The following EEF1AKMT1 variants were observed in gnomAD, a reference collection of about 807,000 sequenced individuals.
EEF1AKMT1 encodes the protein EEF1A lysine methyltransferase 1.
Under a neutral mutation model 21.0 loss-of-function variants are expected in EEF1AKMT1, and 18 were observed. That is an observed-to-expected ratio of 0.86 (90% CI 0.59 to 1.27). EEF1AKMT1 has a LOEUF of 1.27. Among genes scored for constraint, EEF1AKMT1 ranks in the 50% most tolerant of loss-of-function variants. The pLI, the probability that EEF1AKMT1 is intolerant of heterozygous loss-of-function variation, is 0.00. For missense variants in EEF1AKMT1, 246 were observed against 258.6 expected, an observed-to-expected ratio of 0.95 and a Z score of 0.33; for synonymous variants, 109 against 94.8, an observed-to-expected ratio of 1.15 and a Z score of -0.87.
intron 2 of EEF1AKMT1, among the ~76,000 whole-genome samples, chr13:20,738,332 T>TC (rs1159614116): frequency 6.6e-6 from 1 of 152,250 alleles, no homozygotes; most frequent in African/African-American, 2.4e-5. Context: ...AGTTTGTTTT[T>TC]CATCTTGCTC....
intron 1 of EEF1AKMT1, among the ~76,000 whole-genome samples, chr13:20,771,210 TGAA>T (rs1430229751): frequency 2.0e-5 from 3 of 152,202 alleles, no homozygotes; most frequent in African/African-American, 7.2e-5. Flanking sequence ...GCTGCGTCAC[TGAA>T]GAAGGGCTTT....
At chr13:20,755,662 A>T (rs908331239) in intron 2 of EEF1AKMT1, among the ~76,000 whole-genome samples, 1 of 152,214 alleles carries the variant, frequency 6.6e-6, no homozygotes, top group Non-Finnish European at 1.5e-5. Context: ...TTGAAGTGAG[A>T]TTATTGGCTC....
chr13:20,731,948 C>T lies in EEF1AKMT1; in HGVS notation c.401G>A (p.Ser134Asn). Residue 134 changes from serine to asparagine, a missense_variant, in exon 4 of 5, where the codon AGT (serine) becomes AAT (asparagine). Transcript: ENST00000382758. ...AGGATCTGCTATTACGATGTCAAAA[C>T]TATGTGCAGCAATTCTTTCGGGTAA... ...LDLPERIAAH[S>N]FDIVIADPPY... The T allele has an allele frequency of 6.2e-7, 1 of 1,614,216 alleles. No homozygotes were observed. The highest frequency in any genetic ancestry group is 8.5e-7 in the Non-Finnish European group (1 of 1,180,044).
At chr13:20,737,963 A>C (rs1245803669) in intron 2 of EEF1AKMT1, among the ~76,000 whole-genome samples, 158 bp from the exon 3 acceptor site, 1 of 152,216 alleles carries the variant, frequency 6.6e-6, no homozygotes, top group Non-Finnish European at 1.5e-5. Context: ...TTTTCTTTTG[A>C]AAATTAATTT....
intron 1 of EEF1AKMT1, among the ~76,000 whole-genome samples, chr13:20,767,305 CAAAAAAAAAAAA>C (rs61703956): frequency 0.02 from 803 of 40,374 alleles, 16 homozygotes; most frequent in African/African-American, 0.063. Context: ...GATTCTGTCT[CAAAAAAAAAAAA>C]AAAAAAAAAA....
rs997056502 is a variant in EEF1AKMT1, at chr13:20,728,939, G to A, written c.*141C>T. The A allele has an allele frequency of 6.5e-6, 7 of 1,074,742 alleles. No individual in the cohort carries two copies. The highest frequency in any genetic ancestry group is 2.1e-5 in the Admixed American group (1 of 47,014). 66.6% of individuals were successfully genotyped at this position (1,074,742 alleles called of 1,614,324 possible). On this transcript the variant is annotated 3_prime_UTR_variant, in exon 5 of 5. Coordinates refer to ENST00000382758, the MANE Select transcript of EEF1AKMT1 (RefSeq NM_001318939.2). ...CCCTAAGGAAACAATAATGAAGATC[G>A]CACACTTTATTTTGAAAACCAGGCC...
At chr13:20,766,298 C>CAAAAAAAAAA (rs35866979) in intron 1 of EEF1AKMT1, among the ~76,000 whole-genome samples, 47 of 76,682 alleles carry the variant, frequency 6.1e-4, no homozygotes, top group East Asian at 1.2e-3. Context: ...GACTCCATCT[C>CAAAAAAAAAA]AAAAAAAAAA....
chr13:20,732,975 A>G (rs543624829), intron 3 of EEF1AKMT1, among the ~76,000 whole-genome samples: 1 of 152,144 alleles, frequency 6.6e-6, no homozygotes. Flanking sequence ...TAAAGTATCT[A>G]TCTCATTACA....
intron 1 of EEF1AKMT1, among the ~76,000 whole-genome samples, chr13:20,767,440 T>C (rs1595032434): frequency 2.0e-5 from 3 of 152,092 alleles, no homozygotes; most frequent in East Asian, 3.9e-4. Context: ...TTTCTGATAA[T>C]GTCTGTTTAA....
intron 4 of EEF1AKMT1, among the ~76,000 whole-genome samples, chr13:20,730,823 C>G (rs9579938): frequency 1.3e-5 from 2 of 152,102 alleles, no homozygotes; most frequent in African/African-American, 4.8e-5. Flanking sequence ...AGCTGGCCAC[C>G]CCGCAGCCAG....
intron 1 of EEF1AKMT1, among the ~76,000 whole-genome samples, chr13:20,772,349 C>T (rs1480494258): frequency 6.6e-6 from 1 of 152,096 alleles, no homozygotes; most frequent in Non-Finnish European, 1.5e-5. Context: ...GCAGTTCTCA[C>T]AGAATGAGGA....
chr13:20,765,605 G>A (rs918894804), intron 1 of EEF1AKMT1, among the ~76,000 whole-genome samples: 2 of 151,630 alleles, frequency 1.3e-5, no homozygotes, highest in African/African-American at 4.8e-5. Context: ...GTAGAGATGG[G>A]ATTCACCATG....
At chr13:20,752,060 C>T (rs1008724739) in intron 2 of EEF1AKMT1, among the ~76,000 whole-genome samples, 4 of 152,086 alleles carry the variant, frequency 2.6e-5, no homozygotes, top group African/African-American at 9.7e-5. Context: ...TTAGGTTTCT[C>T]TAGGTGTAAG....
chr13:20,738,695 G>A (rs560031833), intron 2 of EEF1AKMT1, among the ~76,000 whole-genome samples: 2 of 152,290 alleles, frequency 1.3e-5, no homozygotes, highest in Admixed American at 1.3e-4. Flanking sequence ...GATGAGTCTT[G>A]GAAACATTAC....
At chr13:20,731,768 A>AT (rs1419877867) in intron 4 of EEF1AKMT1, 73 bp downstream of exon 4, 2 of 1,487,720 alleles carry the variant, frequency 1.3e-6, no homozygotes, top group Non-Finnish European at 1.8e-6. Flanking sequence ...TGGACTCAGG[A>AT]TTTTTTCTTG....
At chr13:20,773,495 G>A (rs933041997) in intron 1 of EEF1AKMT1, among the ~76,000 whole-genome samples, 7 of 152,230 alleles carry the variant, frequency 4.6e-5, no homozygotes, top group Non-Finnish European at 8.8e-5. Context: ...GTCAGGCCTG[G>A]GCATTTCGCA....
At chr13:20,750,319 GTAC>G (rs1012843981) in intron 2 of EEF1AKMT1, among the ~76,000 whole-genome samples, 183 of 152,064 alleles carry the variant, frequency 1.2e-3, no homozygotes, top group African/African-American at 4.0e-3. Flanking sequence ...CTATATGGTT[GTAC>G]TCATTTACCA....
chr13:20,739,285 G>A (rs752043263), intron 2 of EEF1AKMT1, among the ~76,000 whole-genome samples: 10 of 152,202 alleles, frequency 6.6e-5, no homozygotes, highest in South Asian at 2.1e-4. Context: ...GTGAGCAGCA[G>A]TAACATTTAT....
At chr13:20,770,959 A>G (rs997327842) in intron 1 of EEF1AKMT1, among the ~76,000 whole-genome samples, 4 of 151,100 alleles carry the variant, frequency 2.6e-5, no homozygotes, top group African/African-American at 4.9e-5. Context: ...GGCTCCCTGC[A>G]GCCTCAAATT....
Sources: allele counts gnomAD v4.1 joint callset (sites outside exome capture counted in the v4.1 genomes callset), GRCh38; gene constraint gnomAD v4.1.1; transcripts MANE v1.5; gene names NCBI Gene and HGNC (gene_info 2026-07-23, HGNC 2026-07-21).